Variants in ANXA4 observed in about 807,000 individuals in gnomAD.
The protein encoded by ANXA4 is annexin A4, also known as 35-beta calcimedin.
Under a neutral mutation model 49.8 loss-of-function variants are expected in ANXA4, and 39 were observed. That is an observed-to-expected ratio of 0.78 (90% CI 0.61 to 1.02). The LOEUF (loss-of-function observed/expected upper bound fraction) is 1.02, where lower values mean the gene tolerates loss of function less well. Ranked by LOEUF, ANXA4 falls within the 50% of genes least tolerant of loss-of-function variation. The pLI is 0.00. For synonymous variants in ANXA4, 134 were observed against 152.5 expected (o/e 0.88, Z 0.89); for missense variants, 360 against 410.1 (o/e 0.88, Z 1.05).
intron 2 of ANXA4, among the ~76,000 whole-genome samples, chr2:69,668,017 T>C (rs1426456638): frequency 1.3e-5 from 2 of 152,346 alleles, no homozygotes; most frequent in East Asian, 3.9e-4. Context: ...GCTCGTCTCA[T>C]GTCTGATAAC....
chr2:69,790,085 T>G (rs1056890837), intron 3 of ANXA4, among the ~76,000 whole-genome samples: 4 of 152,196 alleles, frequency 2.6e-5, no homozygotes, highest in African/African-American at 9.6e-5. Context: ...CTGCTTGTTG[T>G]TAGAAGAGAA....
intron 12 of ANXA4, among the ~76,000 whole-genome samples, chr2:69,825,044 G>T (rs1373894445): frequency 7.1e-6 from 1 of 140,206 alleles, no homozygotes; most frequent in African/African-American, 2.6e-5. Flanking sequence ...TCCAGCCTGG[G>T]TGACAGAACA....
intron 2 of ANXA4, among the ~76,000 whole-genome samples, chr2:69,682,452 AC>A (rs1463924193): frequency 3.3e-5 from 5 of 152,154 alleles, no homozygotes; most frequent in East Asian, 1.9e-4. Flanking sequence ...TAATAAAGAT[AC>A]CCTTTTACAT....
At position 69,818,715 on chromosome 2, in the gene ANXA4, G is replaced by A. The variant is rs369666928; in HGVS notation, c.724+21G>A. ...TATAGGTAAGCTGGTAGGGGGAGTAGAGAAACAAATGTTTATAGATTTTCC... is the reference window on the plus strand; with the variant it reads ...TATAGGTAAGCTGGTAGGGGGAGTAAAGAAACAAATGTTTATAGATTTTCC... On this transcript the variant is annotated intron_variant, in intron 10 of 12. Coordinates refer to ENST00000394295, the MANE Select transcript of ANXA4 (RefSeq NM_001153.5). 1.8e-5 allele frequency: 27 copies of A among 1,489,124 alleles called. No homozygotes were observed. In the Middle Eastern group the frequency reaches 8.6e-4, roughly 48 times the overall value. The allele number at this position is 1,489,124 out of a possible 1,614,324, so 92.2% of individuals were successfully genotyped here.
intron 8 of ANXA4, among the ~76,000 whole-genome samples, chr2:69,814,145 C>CA (rs370478714): frequency 0.028 from 4,250 of 149,148 alleles, 183 homozygotes; most frequent in African/African-American, 0.099. Flanking sequence ...TTGTTTTATG[C>CA]AAAAAAAAAG....
intron 2 of ANXA4, among the ~76,000 whole-genome samples, chr2:69,671,141 G>A (rs1677169122): frequency 6.6e-6 from 1 of 151,624 alleles, no homozygotes; most frequent in Admixed American, 6.6e-5. Context: ...GAGTAGAATA[G>A]CTTTATGACT....
rs1479244081 is a variant in ANXA4, at chr2:69,711,053, GGCGTGGTTGCTCACACCTGTAAT to G, written n.767-9720_767-9698del. Among the ~76,000 whole-genome samples the G allele has an allele frequency of 4.5e-4, 68 of 152,310 alleles. No homozygotes were observed. The Middle Eastern group carries it at 0.017, about 38-fold the overall frequency. The stretch of plus-strand genomic sequence containing the variant: ...AATTAATAATAGCCCAAACTGGCCA[GGCGTGGTTGCTCACACCTGTAAT>G]CCCAGCACTTTGGGAGGCTGGGATG... On this transcript the variant is annotated intron_variant and non_coding_transcript_variant, in intron 2 of 3. Transcript: ENST00000418066.
intron 3 of ANXA4, among the ~76,000 whole-genome samples, chr2:69,802,178 A>G (rs3771542): frequency 0.26 from 40,268 of 152,016 alleles, 5,805 homozygotes; most frequent in Admixed American, 0.45. Context: ...AGCAGGGGAG[A>G]GACATTGTGA....
intron 2 of ANXA4, among the ~76,000 whole-genome samples, chr2:69,680,536 T>A (rs550114729): frequency 6.6e-6 from 1 of 152,312 alleles, no homozygotes; most frequent in African/African-American, 2.4e-5. Flanking sequence ...CTTTCAATCC[T>A]GTGTTGAATA....
intron 3 of ANXA4, 61 bp from the exon 4 acceptor site, chr2:69,804,472 A>T: frequency 6.8e-7 from 1 of 1,473,740 alleles, no homozygotes; most frequent in South Asian, 1.2e-5. Flanking sequence ...TCCACAGAGG[A>T]ACCTGCTTTC....
chr2:69,726,863 G>A (rs141440509), intron 3 of ANXA4, among the ~76,000 whole-genome samples: 1 of 152,098 alleles, frequency 6.6e-6, no homozygotes, highest in African/African-American at 2.4e-5. Flanking sequence ...CTATGCCACG[G>A]TCTATTCATT....
chr2:69,688,500 T>C (rs1677865780), intron 2 of ANXA4, among the ~76,000 whole-genome samples: 1 of 152,358 alleles, frequency 6.6e-6, no homozygotes, highest in Non-Finnish European at 1.5e-5. Flanking sequence ...AATTTTCTCA[T>C]TGCTCCTTTA....
intron 1 of ANXA4, among the ~76,000 whole-genome samples, chr2:69,760,005 C>T (rs1671213864): frequency 6.6e-6 from 1 of 151,748 alleles, no homozygotes; most frequent in African/African-American, 2.4e-5. Flanking sequence ...GCTAATTTTT[C>T]GTATTGTTAG....
At chr2:69,786,614 AAT>A (rs1468486589) in intron 2 of ANXA4, among the ~76,000 whole-genome samples, 10 of 152,214 alleles carry the variant, frequency 6.6e-5, no homozygotes, top group Non-Finnish European at 1.5e-4. Flanking sequence ...CATTTATTTA[AAT>A]ATTTTTATTA....
chr2:69,706,018 A>T (rs570500095), intron 2 of ANXA4, among the ~76,000 whole-genome samples: 200 of 152,058 alleles, frequency 1.3e-3, no homozygotes, highest in African/African-American at 4.8e-3. Flanking sequence ...TTTATTAAAA[A>T]ATATATATAT....
intron 2 of ANXA4, among the ~76,000 whole-genome samples, chr2:69,662,992 C>T (rs922106431): frequency 0.02 from 2,420 of 123,100 alleles, 74 homozygotes; most frequent in African/African-American, 0.062. Context: ...TTTTCTTTTT[C>T]TTTTTTTTTT....
intron 2 of ANXA4, among the ~76,000 whole-genome samples, chr2:69,685,392 T>C (rs969308823): frequency 6.6e-6 from 1 of 152,292 alleles, no homozygotes; most frequent in Non-Finnish European, 1.5e-5. Context: ...GACAGAGAGA[T>C]ATAAACTGAA....
At chr2:69,783,260 C>A (rs917142693) in intron 2 of ANXA4, among the ~76,000 whole-genome samples, 15 of 151,910 alleles carry the variant, frequency 9.9e-5, no homozygotes, top group Admixed American at 7.9e-4. Flanking sequence ...ATCTGTTGCC[C>A]AGGCTGGAGA....
At chr2:69,744,236 G>A (rs1670522572) in intron 1 of ANXA4, among the ~76,000 whole-genome samples, 1 of 152,120 alleles carries the variant, frequency 6.6e-6, no homozygotes, top group Non-Finnish European at 1.5e-5. Flanking sequence ...AAGCCCAGGA[G>A]TTCAAGGCTG....
Sources: allele counts gnomAD v4.1 joint callset (sites outside exome capture counted in the v4.1 genomes callset), GRCh38; gene constraint gnomAD v4.1.1; transcripts MANE v1.5; gene names NCBI Gene and HGNC (gene_info 2026-07-23, HGNC 2026-07-21).